The following GLIS3 variants were observed in gnomAD, a reference collection of about 807,000 sequenced individuals.
The protein encoded by GLIS3 is zinc finger protein GLIS3.
GLIS3 carries 53 observed loss-of-function variants against 78.6 expected under a neutral mutation model. That is an observed-to-expected ratio of 0.67 (90% confidence interval 0.54 to 0.85). The LOEUF (loss-of-function observed/expected upper bound fraction) is 0.85, where lower values mean the gene tolerates loss of function less well. GLIS3 is among the 40% of genes least tolerant of loss of function. The pLI is 0.00. For synonymous variants in GLIS3, 684 were observed against 509.9 expected (o/e 1.34, Z -4.60); for missense variants, 1,703 against 1,231.1 (o/e 1.38, Z -5.74).
At chr9:4,138,015 T>C (rs2130969870) in intron 2 of GLIS3, among the ~76,000 whole-genome samples, 1 of 152,318 alleles carries the variant, frequency 6.6e-6, no homozygotes, top group South Asian at 2.1e-4. Context: ...TGCTCACAGA[T>C]CAGGTATTTG....
intron 4 of GLIS3, among the ~76,000 whole-genome samples, chr9:4,108,903 T>C (rs1830987195): frequency 6.6e-6 from 1 of 152,080 alleles, no homozygotes; most frequent in Non-Finnish European, 1.5e-5. Context: ...CTCTACAACC[T>C]TGGGTGGCTC....
At chr9:3,987,567 T>G (rs912191289) in intron 4 of GLIS3, among the ~76,000 whole-genome samples, 1 of 150,260 alleles carries the variant, frequency 6.7e-6, no homozygotes, top group African/African-American at 2.4e-5. Context: ...CTGGGCGTTG[T>G]GGTGGGCGCC....
chr9:3,893,202 C>G (rs1822579882), intron 7 of GLIS3, among the ~76,000 whole-genome samples: 1 of 152,184 alleles, frequency 6.6e-6, no homozygotes, highest in African/African-American at 2.4e-5. Context: ...CTCTCCTCCT[C>G]AATGAGGTAC....
chr9:4,378,214 A>G, the GLIS3 span, among the ~76,000 whole-genome samples: 11 of 152,190 alleles, frequency 7.2e-5, no homozygotes, highest in African/African-American at 2.7e-4. Context: ...CTATATATAT[A>G]TATAATTAAT....
intron 9 of GLIS3, among the ~76,000 whole-genome samples, chr9:3,842,102 AG>A (rs1174735466): frequency 1.3e-5 from 2 of 152,344 alleles, no homozygotes; most frequent in Non-Finnish European, 1.5e-5. Context: ...GATTACTAAA[AG>A]GAAGTGCTGC....
the GLIS3 span, among the ~76,000 whole-genome samples, chr9:4,440,021 C>T: frequency 9.2e-5 from 14 of 152,140 alleles, no homozygotes; most frequent in East Asian, 3.9e-4. Context: ...TCAAGTCTTT[C>T]GCCCATTTTG....
chr9:4,235,371 T>C (rs1007579170), intron 2 of GLIS3, among the ~76,000 whole-genome samples: 1 of 151,196 alleles, frequency 6.6e-6, no homozygotes, highest in African/African-American at 2.4e-5. Context: ...CTGAAATATG[T>C]GCACAGACAG....
intron 2 of GLIS3, among the ~76,000 whole-genome samples, chr9:4,315,246 T>C (rs1817420603): frequency 6.6e-6 from 1 of 152,162 alleles, no homozygotes; most frequent in Non-Finnish European, 1.5e-5. Context: ...CTTGTCAGTC[T>C]CTAGTGCACT....
chr9:4,165,007 T>C (rs769792645), intron 2 of GLIS3, among the ~76,000 whole-genome samples: 12 of 152,218 alleles, frequency 7.9e-5, no homozygotes, highest in Non-Finnish European at 1.3e-4. Context: ...TTTGGTACAC[T>C]GGGTTACTGG....
chr9:4,006,588 T>A (rs16920349), intron 4 of GLIS3, among the ~76,000 whole-genome samples: 2 of 152,180 alleles, frequency 1.3e-5, no homozygotes, highest in East Asian at 3.9e-4. Context: ...GCCCTTTATA[T>A]GCATTAAGTA....
At chr9:4,274,083 C>T (rs1826768594) in intron 2 of GLIS3, among the ~76,000 whole-genome samples, 1 of 152,124 alleles carries the variant, frequency 6.6e-6, no homozygotes, top group Non-Finnish European at 1.5e-5. Flanking sequence ...ACATTATCCC[C>T]CACCTTCCAG....
the GLIS3 span, among the ~76,000 whole-genome samples, chr9:4,461,243 G>T: frequency 3.7e-4 from 56 of 152,182 alleles, no homozygotes; most frequent in African/African-American, 1.2e-3. Flanking sequence ...TTACTTCATG[G>T]GTATTTGTAT....
chr9:3,832,837 A>AT (rs1216814642), intron 9 of GLIS3, among the ~76,000 whole-genome samples: 3 of 152,126 alleles, frequency 2.0e-5, no homozygotes, highest in Non-Finnish European at 2.9e-5. Context: ...CCAAGAAAAG[A>AT]TTTTTTCACT....
intron 2 of GLIS3, among the ~76,000 whole-genome samples, chr9:4,190,403 G>A (rs1354559889): frequency 2.6e-5 from 4 of 151,552 alleles, no homozygotes; most frequent in African/African-American, 7.2e-5. Flanking sequence ...CTCAGGAGCC[G>A]ATGCGATCAA....
chr9:3,856,310 AAAAAAATCTTTCAG>A (rs1819787791), intron 8 of GLIS3, 126 bp from the exon 9 acceptor site: 1 of 869,086 alleles, frequency 1.2e-6, no homozygotes, highest in Non-Finnish European at 1.9e-6. Flanking sequence ...AGCCTTTTAA[AAAAAAATCTTTCAG>A]GATTTTTCTC....
intron 2 of GLIS3, among the ~76,000 whole-genome samples, chr9:4,185,884 A>G (rs961589153): frequency 6.6e-6 from 1 of 152,224 alleles, no homozygotes; most frequent in Admixed American, 6.5e-5. Context: ...GACATGTTCC[A>G]CACAAACCAG....
chr9:3,863,002 A>G (rs1820322166), intron 8 of GLIS3, among the ~76,000 whole-genome samples: 1 of 152,154 alleles, frequency 6.6e-6, no homozygotes, highest in South Asian at 2.1e-4. Context: ...AAAAATGGCT[A>G]TAGCAGTTGG....
intron 2 of GLIS3, among the ~76,000 whole-genome samples, chr9:4,343,367 T>C (rs1313515624): frequency 6.6e-6 from 1 of 152,014 alleles, no homozygotes; most frequent in Admixed American, 6.6e-5. Context: ...AACAATGAGA[T>C]ACTATCTCAC....
chr9:4,249,923 A>C (rs1824192737), intron 2 of GLIS3, among the ~76,000 whole-genome samples: 1 of 152,190 alleles, frequency 6.6e-6, no homozygotes, highest in Non-Finnish European at 1.5e-5. Context: ...GATTACATTT[A>C]TTGATTTGCA....
Sources: gnomAD v4.1 joint callset for allele counts (sites outside exome capture counted in the v4.1 genomes callset) on GRCh38, gnomAD v4.1.1 for gene constraint, MANE v1.5 for transcripts, NCBI Gene and HGNC (gene_info 2026-07-23, HGNC 2026-07-21) for gene names.